The following ATRNL1 variants were observed in gnomAD, a reference collection of about 807,000 sequenced individuals.
ATRNL1 encodes the protein attractin like 1.
Under a neutral mutation model 182.7 loss-of-function variants are expected in ATRNL1, and 95 were observed. That is an observed-to-expected ratio of 0.52 (90% CI 0.44 to 0.62). The LOEUF is 0.62. Among genes scored for constraint, ATRNL1 ranks in the 20% least tolerant of loss-of-function variants. The probability of loss-of-function intolerance (pLI) is 0.00; values close to 1 mark genes in which losing one functional copy is unlikely to be tolerated. For missense variants in ATRNL1, 1,471 were observed against 1,679.5 expected (o/e 0.88, Z 2.17); for synonymous variants, 576 against 568.3 (o/e 1.01, Z -0.19).
chr10:115,352,948 A>T (rs1209329913), intron 19 of ATRNL1, among the ~76,000 whole-genome samples: 16 of 152,170 alleles, frequency 1.1e-4, no homozygotes, highest in African/African-American at 3.9e-4. Context: ...TTATTTTGAC[A>T]TGTAATACTT....
At chr10:115,174,866 T>C (rs1320754719) in intron 8 of ATRNL1, among the ~76,000 whole-genome samples, 4 of 151,972 alleles carry the variant, frequency 2.6e-5, no homozygotes, top group Non-Finnish European at 5.9e-5. Flanking sequence ...TAGTTTTTTT[T>C]TGGACATTAT....
At chr10:115,635,077 G>A (rs1183187809) in intron 26 of ATRNL1, among the ~76,000 whole-genome samples, 1 of 152,094 alleles carries the variant, frequency 6.6e-6, no homozygotes, top group African/African-American at 2.4e-5. Flanking sequence ...TGACCTTGGA[G>A]TAGGCAAAGT....
intron 27 of ATRNL1, among the ~76,000 whole-genome samples, chr10:115,760,652 C>T: frequency 6.6e-6 from 1 of 152,002 alleles, no homozygotes; most frequent in East Asian, 1.9e-4. Flanking sequence ...ATATAAAAAA[C>T]AATATTATTC....
chr10:115,173,642 A>G (rs186777491), intron 8 of ATRNL1, among the ~76,000 whole-genome samples: 10 of 152,016 alleles, frequency 6.6e-5, no homozygotes, highest in Middle Eastern at 3.4e-3. Flanking sequence ...AGAAGTTGCT[A>G]TTACAAATAT....
intron 26 of ATRNL1, among the ~76,000 whole-genome samples, chr10:115,666,619 A>G (rs1861015589): frequency 6.6e-6 from 1 of 152,190 alleles, no homozygotes; most frequent in South Asian, 2.1e-4. Context: ...TGAGCCTTCC[A>G]ATATGACAGC....
intron 27 of ATRNL1, among the ~76,000 whole-genome samples, chr10:115,743,911 AAAG>A (rs1183492250): frequency 6.6e-6 from 1 of 152,040 alleles, no homozygotes. Flanking sequence ...AACCACATTG[AAAG>A]AAGTTGTTCA....
chr10:115,318,934 C>G (rs1854444610), intron 18 of ATRNL1, among the ~76,000 whole-genome samples: 1 of 151,988 alleles, frequency 6.6e-6, no homozygotes, highest in Non-Finnish European at 1.5e-5. Flanking sequence ...CTTCTGCTAG[C>G]TTTTGGATTT....
At chr10:115,687,498 T>C (rs1185807342) in intron 26 of ATRNL1, among the ~76,000 whole-genome samples, 1 of 152,114 alleles carries the variant, frequency 6.6e-6, no homozygotes, top group Non-Finnish European at 1.5e-5. Context: ...TACCACATTT[T>C]CTTTATCCGT....
At chr10:115,940,100 G>A (rs571810870) in intron 28 of ATRNL1, among the ~76,000 whole-genome samples, 22 of 152,266 alleles carry the variant, frequency 1.4e-4, no homozygotes, top group African/African-American at 3.9e-4. Context: ...GTGTTTTGGC[G>A]GAGACTCAAG....
At chr10:115,679,010 A>C (rs1945957351) in intron 26 of ATRNL1, among the ~76,000 whole-genome samples, 1 of 152,140 alleles carries the variant, frequency 6.6e-6, no homozygotes. Context: ...AGGCACCATT[A>C]GGCATAGTCT....
Position 115,171,051 on chromosome 10 carries a change from G to A in ATRNL1, c.1107G>A (p.Met369Ile). ...TTAATTTACAGGAAAACATCTTTAT[G>A]TATGGAGGCAGAATTGAAACAAATG... ...SLALYQENIF[M>I]YGGRIETNDG... Residue 369 changes from methionine to isoleucine, a missense_variant, in exon 8 of 29, where the codon ATG (methionine) becomes ATA (isoleucine). Met to Ile is a conservative substitution (Grantham distance 10). Around this residue, in one of 3 missense-constraint regions of ATRNL1, gnomAD observed 1,031 missense variants for 1,156.0 expected, o/e 0.89. Transcript: ENST00000355044. 2 of 1,557,366 alleles carry A rather than the reference G, an allele frequency of 1.3e-6. No individual in the cohort carries two copies. The highest frequency in any genetic ancestry group is 1.7e-6 in the Non-Finnish European group (2 of 1,147,320).
intron 8 of ATRNL1, among the ~76,000 whole-genome samples, chr10:115,201,888 G>A (rs1848595596): frequency 6.6e-6 from 1 of 152,088 alleles, no homozygotes; most frequent in African/African-American, 2.4e-5. Flanking sequence ...CCATCTGTTT[G>A]TATCCTCTTT....
At chr10:115,812,328 G>C (rs1555087188) in intron 27 of ATRNL1, among the ~76,000 whole-genome samples, 1 of 152,016 alleles carries the variant, frequency 6.6e-6, no homozygotes, top group Non-Finnish European at 1.5e-5. Context: ...TGTTTACAAG[G>C]TTCTTGTTTG....
At chr10:115,360,725 A>T (rs1856706363) in intron 19 of ATRNL1, among the ~76,000 whole-genome samples, 1 of 151,628 alleles carries the variant, frequency 6.6e-6, no homozygotes, top group African/African-American at 2.4e-5. Flanking sequence ...GAGGTTTGTT[A>T]CATAGGTAAA....
chr10:115,370,124 C>T (rs1305625613), intron 19 of ATRNL1, among the ~76,000 whole-genome samples: 1 of 152,172 alleles, frequency 6.6e-6, no homozygotes, highest in Admixed American at 6.5e-5. Context: ...GTGAGATGTG[C>T]CTTTCACATT....
intron 1 of ATRNL1, among the ~76,000 whole-genome samples, chr10:115,106,846 A>G (rs536951967): frequency 2.3e-4 from 35 of 152,222 alleles, no homozygotes; most frequent in East Asian, 7.7e-4. Flanking sequence ...GTGAAAATGG[A>G]CTAATACACT....
At chr10:115,291,456 A>G (rs74364142) in intron 15 of ATRNL1, among the ~76,000 whole-genome samples, 2,824 of 152,248 alleles carry the variant, frequency 0.019, 105 homozygotes, top group African/African-American at 0.065. Flanking sequence ...TTTGTCACAT[A>G]TGGCCTTTAT....
In ATRNL1 at chr10:115,478,447, C is replaced by T. The variant is rs139763837; in HGVS notation, c.3654+9118C>T. On this transcript the variant is annotated intron_variant, in intron 24 of 28. Transcript: ENST00000355044. Reference sequence around the variant, plus strand: ...CTCTTCTTAGCCTCTAGAAGATGGCCGCTGTTCCCTGCCACATGGCCCTCT... The same window carrying T: ...CTCTTCTTAGCCTCTAGAAGATGGCTGCTGTTCCCTGCCACATGGCCCTCT... Among the ~76,000 whole-genome samples, 637 of 151,778 alleles carry T rather than the reference C, an allele frequency of 4.2e-3. 2 individuals are homozygous for T. The highest frequency in any genetic ancestry group is 3.7e-3 in the Non-Finnish European group (251 of 67,788).
chr10:115,856,428 CAAAAAAAAA>C (rs572743389), intron 28 of ATRNL1, among the ~76,000 whole-genome samples: 1 of 22,536 alleles, frequency 4.4e-5, no homozygotes, highest in South Asian at 3.8e-3. Flanking sequence ...AGCTCCATCT[CAAAAAAAAA>C]AAAAAAAAAA....
Sources: gnomAD v4.1 joint callset for allele counts (sites outside exome capture counted in the v4.1 genomes callset) on GRCh38, gnomAD v4.1.1 for gene constraint, gnomAD v4.1.1 regional missense constraint, MANE v1.5 for transcripts, NCBI Gene and HGNC (gene_info 2026-07-23, HGNC 2026-07-21) for gene names.